ANKRD30BL: variants seen among roughly 807,000 people sequenced by gnomAD.
ANKRD30BL encodes putative ankyrin repeat domain-containing protein 30B-like.
Under a neutral mutation model 18.4 loss-of-function variants are expected in ANKRD30BL, and 20 were observed. That is an observed-to-expected ratio of 1.09 (90% CI 0.77 to 1.58). The LOEUF (loss-of-function observed/expected upper bound fraction) is 1.58. Among genes scored for constraint, ANKRD30BL ranks in the 40% most tolerant of loss-of-function variants. The pLI is 0.00. For missense variants in ANKRD30BL, 224 were observed against 268.6 expected, an observed-to-expected ratio of 0.83 and a Z score of 1.16; for synonymous variants, 72 against 100.9, an observed-to-expected ratio of 0.71 and a Z score of 1.72.
intron 5 of ANKRD30BL, among the ~76,000 whole-genome samples, chr2:132,148,616 C>G (rs1348257328): frequency 6.6e-6 from 1 of 151,010 alleles, no homozygotes. Context: ...GCAATCCGCC[C>G]GCTTTGGCCT....
At chr2:132,172,010 C>T (rs571471504) in intron 1 of ANKRD30BL, among the ~76,000 whole-genome samples, 408 of 152,286 alleles carry the variant, frequency 2.7e-3, no homozygotes, top group Non-Finnish European at 4.2e-3. Context: ...TCAAAGTTTA[C>T]GTATGTTGTA....
chr2:132,238,600 G>A (rs1278893971), intron 1 of ANKRD30BL, among the ~76,000 whole-genome samples: 1 of 151,528 alleles, frequency 6.6e-6, no homozygotes, highest in Admixed American at 6.6e-5. Context: ...GAAGCCTATG[G>A]TGAAAAAGGA....
chr2:132,187,292 G>A (rs1480315900), intron 1 of ANKRD30BL, among the ~76,000 whole-genome samples: 1 of 146,888 alleles, frequency 6.8e-6, no homozygotes, highest in Non-Finnish European at 1.5e-5. Context: ...CTCCCGGGAT[G>A]AAGCGATTCT....
At chr2:132,187,188 G>GT (rs1193358076) in intron 1 of ANKRD30BL, among the ~76,000 whole-genome samples, 3,733 of 90,508 alleles carry the variant, frequency 0.041, 129 homozygotes, top group African/African-American at 0.053. Flanking sequence ...TTTTTTGTTT[G>GT]TTTTTTTTTT....
intron 1 of ANKRD30BL, among the ~76,000 whole-genome samples, chr2:132,167,059 G>A (rs1178190931): frequency 6.6e-6 from 1 of 150,512 alleles, no homozygotes; most frequent in Non-Finnish European, 1.5e-5. Flanking sequence ...GTTTTGTTAA[G>A]TCTTCAAATA....
At position 132,157,331 on chromosome 2, in the gene ANKRD30BL, T is replaced by A. The variant is rs1208122435; in HGVS notation, c.311A>T (p.Glu104Val). Residue 104 changes from glutamate to valine, a missense_variant, in exon 2 of 6, where the codon GAA (glutamate) becomes GTA (valine). By Grantham distance (121) the Glu-to-Val change is moderately radical (BLOSUM62 -2). Coordinates refer to ENST00000409867, the MANE Select transcript of ANKRD30BL (RefSeq NM_001358416.1). ...RKCQLDVLDGENRTILMKALQ... is the reference protein window; with the variant it reads ...RKCQLDVLDGVNRTILMKALQ... ...TACCTTCATCAGAATGGTCCTGTTT[T>A]CACCATCAAGGACGTCAAGCTGACA... is the stretch of plus-strand genomic sequence containing the variant. The A allele has an allele frequency of 2.6e-6, 2 of 767,078 alleles. No individual in the cohort carries two copies. Among genetic ancestry groups the A allele is most frequent in the Non-Finnish European group, 4.7e-6 (2 of 427,410 alleles). The allele number at this position is 767,078 out of a possible 1,614,324, so 47.5% of individuals were successfully genotyped here. A position where few individuals can be genotyped will look rare whatever the true frequency, so the allele number is the denominator to read the frequency against.
Position 132,161,605 on chromosome 2 carries a change from A to G in ANKRD30BL, c.101T>C (p.Ile34Thr). 4.1e-6 allele frequency: 6 copies of G among 1,453,902 alleles called. No homozygotes were observed. The South Asian group carries it at 4.9e-5, about 12-fold the overall frequency. 90.1% of individuals were successfully genotyped at this position (1,453,902 alleles called of 1,614,324 possible). A position where few individuals can be genotyped will look rare whatever the true frequency, so the allele number is the denominator to read the frequency against. Residue 34 changes from isoleucine to threonine, a missense_variant, in exon 1 of 6, where the codon ATT (isoleucine) becomes ACT (threonine). By Grantham distance (89) the Ile-to-Thr change is moderately conservative (BLOSUM62 -1). Transcript: ENST00000409867. Reference protein sequence around the residue: ...LVYTNNDSYVIHHGDLRKIHK... With the variant: ...LVYTNNDSYVTHHGDLRKIHK... The stretch of plus-strand genomic sequence containing the variant: ...GATCTTCCTGAGATCCCCATGGTGA[A>G]TCACGTAAGAGTCGTTGTTGGTGTA...
chr2:132,156,305 AAT>A (rs1412850178), intron 3 of ANKRD30BL: 1 of 152,218 alleles, frequency 6.6e-6, no homozygotes, highest in Non-Finnish European at 1.5e-5. Context: ...TCATTTAAAA[AAT>A]ATTCTAAATT....
intron 1 of ANKRD30BL, among the ~76,000 whole-genome samples, chr2:132,247,709 A>G (rs1680541870): frequency 6.6e-6 from 1 of 152,068 alleles, no homozygotes; most frequent in African/African-American, 2.4e-5. Context: ...GAAAGCACAC[A>G]TCATAAGGAA....
intron 1 of ANKRD30BL, among the ~76,000 whole-genome samples, chr2:132,214,637 G>A (rs1679442431): frequency 6.6e-6 from 1 of 151,950 alleles, no homozygotes; most frequent in Admixed American, 6.6e-5. Flanking sequence ...GACATTTGGA[G>A]TGCTTTGAGG....
intron 1 of ANKRD30BL, among the ~76,000 whole-genome samples, chr2:132,216,974 A>C (rs1679522181): frequency 2.0e-5 from 3 of 152,148 alleles, no homozygotes; most frequent in Non-Finnish European, 4.4e-5. Context: ...TGATGTGTGA[A>C]TTCAACTCAC....
chr2:132,164,269 C>CT (rs796313755), upstream of ANKRD30BL, among the ~76,000 whole-genome samples: 612 of 112,144 alleles, frequency 5.5e-3, 9 homozygotes, highest in South Asian at 0.012. Context: ...TTTTCTTTTT[C>CT]TTTTTTTTTT....
intron 1 of ANKRD30BL, among the ~76,000 whole-genome samples, chr2:132,184,426 T>C (rs1333516579): frequency 6.6e-6 from 1 of 152,218 alleles, no homozygotes; most frequent in African/African-American, 2.4e-5. Context: ...AAAAACTGAA[T>C]TTTGTAGAAA....
At chr2:132,177,929 G>A (rs1419299748) in intron 1 of ANKRD30BL, among the ~76,000 whole-genome samples, 2 of 151,876 alleles carry the variant, frequency 1.3e-5, no homozygotes, top group East Asian at 3.9e-4. Flanking sequence ...TTTACAGTTG[G>A]TATGCCATTT....
At chr2:132,185,236 G>A (rs556361696) in intron 1 of ANKRD30BL, among the ~76,000 whole-genome samples, 3 of 152,258 alleles carry the variant, frequency 2.0e-5, no homozygotes, top group African/African-American at 7.2e-5. Context: ...TAGAGAACAT[G>A]GAAGAAAGCT....
intron 1 of ANKRD30BL, among the ~76,000 whole-genome samples, chr2:132,229,418 A>G (rs879217557): frequency 5.3e-5 from 8 of 152,026 alleles, no homozygotes; most frequent in African/African-American, 1.9e-4. Context: ...CATTTGGAGC[A>G]CTTTGATTCC....
intron 1 of ANKRD30BL, among the ~76,000 whole-genome samples, chr2:132,193,688 A>C (rs1054683090): frequency 2.1e-4 from 32 of 152,094 alleles, no homozygotes; most frequent in African/African-American, 7.7e-4. Context: ...TGCAGGGGGC[A>C]CCATCTTTTA....
intron 1 of ANKRD30BL, among the ~76,000 whole-genome samples, chr2:132,212,098 G>A (rs1679372375): frequency 6.6e-6 from 1 of 151,912 alleles, no homozygotes; most frequent in Admixed American, 6.6e-5. Flanking sequence ...AAACTAGACA[G>A]AGGCATTTTG....
At chr2:132,238,530 A>G (rs879048616) in intron 1 of ANKRD30BL, among the ~76,000 whole-genome samples, 2 of 151,964 alleles carry the variant, frequency 1.3e-5, no homozygotes. Flanking sequence ...ATTCGTTTTC[A>G]TGGAGCTGTT....
Sources: gnomAD v4.1 joint callset for allele counts (sites outside exome capture counted in the v4.1 genomes callset) on GRCh38, gnomAD v4.1.1 for gene constraint, MANE v1.5 for transcripts, NCBI Gene and HGNC (gene_info 2026-07-23, HGNC 2026-07-21) for gene names.